The following CTNNA3 variants were observed in gnomAD, a reference collection of about 807,000 sequenced individuals.
CTNNA3 encodes the protein catenin alpha 3, also known as catenin alpha-3.
Under a neutral mutation model 95.7 loss-of-function variants are expected in CTNNA3, and 76 were observed. The observed-to-expected ratio is 0.79, with a 90% confidence interval of 0.66 to 0.96. The LOEUF (loss-of-function observed/expected upper bound fraction) is 0.96. CTNNA3 is among the 40% of genes least tolerant of loss of function. The pLI is 0.00. For synonymous variants in CTNNA3, 431 were observed against 374.4 expected (o/e 1.15, Z -1.74); for missense variants, 1,191 against 1,089.8 (o/e 1.09, Z -1.31).
At chr10:66,887,764 T>C (rs1050968899) in intron 7 of CTNNA3, among the ~76,000 whole-genome samples, 1 of 152,150 alleles carries the variant, frequency 6.6e-6, no homozygotes, top group Non-Finnish European at 1.5e-5. Flanking sequence ...AAGTCAGCTG[T>C]CATGCACAGA....
chr10:66,154,841 C>T (rs1047446104), intron 13 of CTNNA3, among the ~76,000 whole-genome samples: 24 of 149,680 alleles, frequency 1.6e-4, no homozygotes, highest in Admixed American at 6.1e-4. Flanking sequence ...CCTGTTTAAG[C>T]CCCTAGTACA....
At chr10:66,211,091 A>T (rs1016094021) in intron 13 of CTNNA3, among the ~76,000 whole-genome samples, 1 of 152,158 alleles carries the variant, frequency 6.6e-6, no homozygotes, top group African/African-American at 2.4e-5. Context: ...GACCAATGTA[A>T]ATTTGGAGCT....
At chr10:66,542,631 C>G (rs1841895628) in intron 10 of CTNNA3, among the ~76,000 whole-genome samples, 1 of 150,928 alleles carries the variant, frequency 6.6e-6, no homozygotes, top group Non-Finnish European at 1.5e-5. Flanking sequence ...AGCAAACTAT[C>G]ACAAGGACAA....
At chr10:67,026,245 A>T (rs547081447) in intron 7 of CTNNA3, among the ~76,000 whole-genome samples, 190 of 152,102 alleles carry the variant, frequency 1.2e-3, no homozygotes, top group Middle Eastern at 3.4e-3. Context: ...GTACCCTAAA[A>T]CTTAAAGTAT....
intron 13 of CTNNA3, among the ~76,000 whole-genome samples, chr10:66,151,790 C>A (rs938739628): frequency 6.6e-6 from 1 of 151,928 alleles, no homozygotes; most frequent in African/African-American, 2.4e-5. Flanking sequence ...GTTAAAAGCA[C>A]CAACCAATTC....
intron 1 of CTNNA3, among the ~76,000 whole-genome samples, chr10:67,648,561 G>A (rs1490121084): frequency 2.0e-5 from 3 of 152,104 alleles, no homozygotes; most frequent in Admixed American, 6.6e-5. Flanking sequence ...CACTTACAGG[G>A]TGGCTACAAT....
intron 17 of CTNNA3, among the ~76,000 whole-genome samples, chr10:65,965,403 T>A (rs1160531319): frequency 1.6e-5 from 2 of 125,302 alleles, no homozygotes; most frequent in South Asian, 5.3e-4. Context: ...CTTTTTTTTT[T>A]TTTTTTTTTT....
At chr10:67,286,880 G>T (rs1839624141) in intron 5 of CTNNA3, among the ~76,000 whole-genome samples, 2 of 152,104 alleles carry the variant, frequency 1.3e-5, no homozygotes, top group Admixed American at 1.3e-4. Flanking sequence ...CATTTCACAA[G>T]CCTGAGAATT....
At chr10:65,960,496 G>A (rs1247150918) in intron 17 of CTNNA3, among the ~76,000 whole-genome samples, 1 of 152,036 alleles carries the variant, frequency 6.6e-6, no homozygotes, top group East Asian at 1.9e-4. Context: ...CTGCACTCCA[G>A]CCTGGGTGAC....
intron 5 of CTNNA3, among the ~76,000 whole-genome samples, chr10:67,263,034 T>G (rs1402345259): frequency 6.6e-6 from 1 of 152,150 alleles, no homozygotes; most frequent in African/African-American, 2.4e-5. Flanking sequence ...GGGATAAAAC[T>G]TGATGCCATA....
At chr10:67,183,935 C>T (rs1007351445) in intron 6 of CTNNA3, among the ~76,000 whole-genome samples, 5 of 151,894 alleles carry the variant, frequency 3.3e-5, no homozygotes, top group East Asian at 1.9e-4. Flanking sequence ...AAAATAGGTG[C>T]CCTTTACAAT....
chr10:66,137,060 G>A (rs181537442), intron 13 of CTNNA3, among the ~76,000 whole-genome samples: 103 of 152,118 alleles, frequency 6.8e-4, no homozygotes, highest in African/African-American at 2.4e-3. Flanking sequence ...AACCTCAAGC[G>A]ATCTGCCCAC....
At chr10:67,352,686 A>G (rs1842677666) in intron 5 of CTNNA3, among the ~76,000 whole-genome samples, 1 of 151,962 alleles carries the variant, frequency 6.6e-6, no homozygotes, top group South Asian at 2.1e-4. Context: ...AAATGTAACT[A>G]TTGCTCCAGT....
chr10:67,195,658 T>A (rs1000267936), intron 6 of CTNNA3, among the ~76,000 whole-genome samples: 3 of 152,026 alleles, frequency 2.0e-5, no homozygotes, highest in Admixed American at 2.0e-4. Flanking sequence ...CAATATACCA[T>A]ACAGATGTGT....
chr10:67,107,262 C>A (rs1392140676), intron 7 of CTNNA3, among the ~76,000 whole-genome samples: 1 of 152,234 alleles, frequency 6.6e-6, no homozygotes, highest in Non-Finnish European at 1.5e-5. Flanking sequence ...AATTAAATCT[C>A]TTGGCCTTTC....
chr10:66,809,207 G>A (rs183116379), intron 7 of CTNNA3, among the ~76,000 whole-genome samples: 2 of 152,220 alleles, frequency 1.3e-5, no homozygotes, highest in Admixed American at 1.3e-4. Context: ...TTAAACAAAA[G>A]CAGGCAATTT....
intron 7 of CTNNA3, among the ~76,000 whole-genome samples, chr10:67,148,066 G>C (rs551427523): frequency 2.0e-5 from 3 of 152,248 alleles, no homozygotes; most frequent in Admixed American, 2.0e-4. Context: ...AAATGGAAAG[G>C]ATTCAACAAC....
intron 11 of CTNNA3, among the ~76,000 whole-genome samples, chr10:66,385,042 A>T (rs1293567493): frequency 2.0e-5 from 3 of 152,206 alleles, no homozygotes; most frequent in Admixed American, 2.0e-4. Context: ...CTAGAGAAGC[A>T]AGAGCAAACA....
chr10:67,018,649 A>G (rs1589611259), intron 7 of CTNNA3, among the ~76,000 whole-genome samples: 1 of 152,188 alleles, frequency 6.6e-6, no homozygotes, highest in Non-Finnish European at 1.5e-5. Context: ...CTGATCCATT[A>G]CCTACTAGCC....
Sources: allele counts gnomAD v4.1 joint callset (sites outside exome capture counted in the v4.1 genomes callset), GRCh38; gene constraint gnomAD v4.1.1; transcripts MANE v1.5; gene names NCBI Gene and HGNC (gene_info 2026-07-23, HGNC 2026-07-21).